ADAMTS12: variants seen among roughly 807,000 people sequenced by gnomAD.
ADAMTS12 encodes the protein A disintegrin and metalloproteinase with thrombospondin motifs 12.
In ADAMTS12, 118 loss-of-function variants were observed where a neutral mutation model predicts 167.8. That is an observed-to-expected ratio of 0.70 (90% CI 0.61 to 0.82). The LOEUF is 0.82. Ranked by LOEUF, ADAMTS12 falls within the 40% of genes least tolerant of loss-of-function variation. ADAMTS12 has a pLI of 0.00. For missense variants in ADAMTS12, 1,916 were observed against 1,998.8 expected, an observed-to-expected ratio of 0.96 and a Z score of 0.79; for synonymous variants, 704 against 716.9, an observed-to-expected ratio of 0.98 and a Z score of 0.29.
At chr5:33,540,875 G>A (rs752392105) in intron 22 of ADAMTS12, among the ~76,000 whole-genome samples, 1 of 152,228 alleles carries the variant, frequency 6.6e-6, no homozygotes, top group Non-Finnish European at 1.5e-5. Context: ...CAAAGATGGG[G>A]AGAAACCAGA....
chr5:33,752,053 G>A (rs745538286), intron 2 of ADAMTS12, among the ~76,000 whole-genome samples: 6 of 152,222 alleles, frequency 3.9e-5, no homozygotes, highest in Admixed American at 1.3e-4. Flanking sequence ...ACAAAGAAAC[G>A]TAATGCAAAG....
In ADAMTS12 at chr5:33,877,311, C is replaced by T. The variant is rs187641409; in HGVS notation, c.489+3808G>A. ...GGATAAGTGCTTAGCAGAATTAGAA[C>T]GCCCTTTGAAAAATCAGAACCCCAA... On this transcript the variant is annotated intron_variant, in intron 2 of 23. Coordinates refer to ENST00000504830, the MANE Select transcript of ADAMTS12 (RefSeq NM_030955.4). Among the ~76,000 whole-genome samples the T allele has an allele frequency of 1.2e-4, 19 of 152,288 alleles. No homozygotes were observed. The East Asian group carries it at 3.1e-3, about 25-fold the overall frequency.
At chr5:33,547,786 T>C (rs1023743081) in intron 21 of ADAMTS12, among the ~76,000 whole-genome samples, 16 of 152,244 alleles carry the variant, frequency 1.1e-4, no homozygotes, top group African/African-American at 3.4e-4. Context: ...TGATTGCTCA[T>C]CTTTGATCGC....
chr5:33,662,385 T>A (rs887535361), intron 5 of ADAMTS12, among the ~76,000 whole-genome samples: 9 of 152,210 alleles, frequency 5.9e-5, no homozygotes, highest in Non-Finnish European at 1.3e-4. Context: ...CCTAAACCAA[T>A]GCAATATCAA....
intron 18 of ADAMTS12, among the ~76,000 whole-genome samples, chr5:33,579,256 A>G (rs1746926333): frequency 6.6e-6 from 1 of 152,146 alleles, no homozygotes; most frequent in Non-Finnish European, 1.5e-5. Flanking sequence ...ACTTTGTAAA[A>G]CTGATCAGTT....
intron 2 of ADAMTS12, among the ~76,000 whole-genome samples, chr5:33,819,785 G>C (rs1747801985): frequency 6.6e-6 from 1 of 152,052 alleles, no homozygotes; most frequent in Non-Finnish European, 1.5e-5. Context: ...ATCAGTGATG[G>C]ACTTCCTACC....
chr5:33,817,488 T>C (rs1445909), intron 2 of ADAMTS12, among the ~76,000 whole-genome samples: 74,729 of 151,770 alleles, frequency 0.49, 19,098 homozygotes, highest in Non-Finnish European at 0.54. Flanking sequence ...ATATTGTTAT[T>C]ATGGAAAATA....
chr5:33,555,046 T>A (rs1269228906), intron 20 of ADAMTS12, among the ~76,000 whole-genome samples: 2 of 152,218 alleles, frequency 1.3e-5, no homozygotes, highest in African/African-American at 4.8e-5. Context: ...AAGGGCAATG[T>A]TCATTCTAAC....
At chr5:33,570,805 T>C (rs1384087179) in intron 19 of ADAMTS12, among the ~76,000 whole-genome samples, 2 of 150,332 alleles carry the variant, frequency 1.3e-5, no homozygotes, top group East Asian at 3.9e-4. Flanking sequence ...GACTGGCAAA[T>C]TGGATAAAGA....
At chr5:33,882,636 G>C (rs1023677893) in intron 1 of ADAMTS12, among the ~76,000 whole-genome samples, 1 of 152,102 alleles carries the variant, frequency 6.6e-6, no homozygotes, top group Non-Finnish European at 1.5e-5. Flanking sequence ...TTGTTGCCCA[G>C]GCTGGAGTGC....
At chr5:33,674,880 G>T (rs1244768161) in intron 5 of ADAMTS12, among the ~76,000 whole-genome samples, 6 of 152,114 alleles carry the variant, frequency 3.9e-5, no homozygotes, top group African/African-American at 1.4e-4. Context: ...GTTGAAATTT[G>T]TTTGCCAATG....
At chr5:33,862,585 T>C (rs1000595273) in intron 2 of ADAMTS12, among the ~76,000 whole-genome samples, 1 of 152,154 alleles carries the variant, frequency 6.6e-6, no homozygotes, top group Non-Finnish European at 1.5e-5. Context: ...CAGGACCAGA[T>C]GGATTCACAG....
At chr5:33,642,243 T>C (rs1740488998) in intron 10 of ADAMTS12, among the ~76,000 whole-genome samples, 1 of 152,180 alleles carries the variant, frequency 6.6e-6, no homozygotes, top group South Asian at 2.1e-4. Flanking sequence ...ACATACTACT[T>C]TTTTCATTGA....
intron 2 of ADAMTS12, among the ~76,000 whole-genome samples, chr5:33,799,487 G>C (rs1304463329): frequency 6.6e-6 from 1 of 152,144 alleles, no homozygotes; most frequent in Non-Finnish European, 1.5e-5. Flanking sequence ...TGGAGTGCAA[G>C]TTCTTTCCAT....
intron 6 of ADAMTS12, among the ~76,000 whole-genome samples, chr5:33,660,984 C>T (rs919169985): frequency 3.3e-5 from 5 of 152,134 alleles, no homozygotes; most frequent in African/African-American, 4.8e-5. Context: ...GATCTTATCA[C>T]AGGGACAGAT....
intron 3 of ADAMTS12, among the ~76,000 whole-genome samples, chr5:33,695,874 TATG>T: frequency 6.6e-6 from 1 of 152,196 alleles, no homozygotes; most frequent in Non-Finnish European, 1.5e-5. Context: ...TTGTTATGTA[TATG>T]TTACCAAAAA....
chr5:33,659,950 T>C (rs1741196231), intron 6 of ADAMTS12, among the ~76,000 whole-genome samples: 1 of 152,220 alleles, frequency 6.6e-6, no homozygotes, highest in Non-Finnish European at 1.5e-5. Context: ...CATTTGGCAA[T>C]GTCTGCAGAC....
intron 2 of ADAMTS12, among the ~76,000 whole-genome samples, chr5:33,880,087 C>T (rs778711942): frequency 4.6e-5 from 7 of 152,200 alleles, no homozygotes; most frequent in Non-Finnish European, 7.3e-5. Context: ...CATTGTTTGC[C>T]CTGCAGTTGC....
rs1743855433 is a variant in ADAMTS12, at chr5:33,527,132, G to T, written c.*56C>A. 1 of 1,596,806 alleles carries T rather than the reference G, an allele frequency of 6.3e-7. No homozygotes were observed. The highest frequency in any genetic ancestry group is 8.6e-7 in the Non-Finnish European group (1 of 1,167,296). ...CAACGAAGCAGCTCCCAGGGCTAAA[G>T]CATGTCATGGTCAGCAGGCTGCTGC... On this transcript the variant is annotated 3_prime_UTR_variant, in exon 24 of 24. Coordinates refer to ENST00000504830, the MANE Select transcript of ADAMTS12 (RefSeq NM_030955.4).
Sources: gnomAD v4.1 joint callset for allele counts (sites outside exome capture counted in the v4.1 genomes callset) on GRCh38, gnomAD v4.1.1 for gene constraint, MANE v1.5 for transcripts, NCBI Gene and HGNC (gene_info 2026-07-23, HGNC 2026-07-21) for gene names.